Variants in FREM2 observed in about 807,000 individuals in gnomAD.
The protein encoded by FREM2 is FRAS1-related extracellular matrix protein 2.
A neutral mutation model predicts 219.9 loss-of-function variants in FREM2; 119 were observed. The observed-to-expected ratio is 0.54, with a 90% CI of 0.47 to 0.63. FREM2 has a LOEUF of 0.63. Ranked by LOEUF, FREM2 falls within the 30% of genes least tolerant of loss-of-function variation. FREM2 has a pLI of 0.00. For missense variants in FREM2, 4,030 were observed against 3,993.6 expected, an observed-to-expected ratio of 1.01 and a Z score of -0.25; for synonymous variants, 1,562 against 1,522.8, an observed-to-expected ratio of 1.03 and a Z score of -0.60.
chr13:38,693,064 T>C (rs1869962086), intron 1 of FREM2, among the ~76,000 whole-genome samples: 1 of 152,172 alleles, frequency 6.6e-6, no homozygotes, highest in African/African-American at 2.4e-5. Context: ...TTTATTTACT[T>C]TGTTGATTTT....
chr13:38,853,476 C>T (rs750007482), intron 11 of FREM2, among the ~76,000 whole-genome samples: 2 of 152,218 alleles, frequency 1.3e-5, no homozygotes, highest in African/African-American at 4.8e-5. Flanking sequence ...CTACCTCTCA[C>T]TATCAAGAGT....
At chr13:38,743,918 T>C (rs988900038) in intron 2 of FREM2, among the ~76,000 whole-genome samples, 3 of 152,188 alleles carry the variant, frequency 2.0e-5, no homozygotes, top group Non-Finnish European at 2.9e-5. Context: ...ACATTATATA[T>C]ATGTAAGTAC....
At chr13:38,784,846 A>C (rs773087232) in intron 6 of FREM2, 38 bp downstream of exon 6, 1 of 1,608,816 alleles carries the variant, frequency 6.2e-7, no homozygotes, top group South Asian at 1.1e-5. Context: ...TTTTCCCGGG[A>C]AGATCAACAT....
intron 6 of FREM2, among the ~76,000 whole-genome samples, chr13:38,787,625 G>A (rs1011508643): frequency 6.6e-6 from 1 of 151,908 alleles, no homozygotes; most frequent in East Asian, 1.9e-4. Context: ...AGTAAGTGTG[G>A]TTTAATCTCT....
chr13:38,825,038 T>C (rs567379011), intron 6 of FREM2, among the ~76,000 whole-genome samples: 2 of 152,206 alleles, frequency 1.3e-5, no homozygotes, highest in African/African-American at 4.8e-5. Flanking sequence ...CTCACTGATA[T>C]AATTTTTTCG....
At chr13:38,757,753 G>A (rs893917397) in intron 2 of FREM2, among the ~76,000 whole-genome samples, 4 of 151,986 alleles carry the variant, frequency 2.6e-5, no homozygotes, top group African/African-American at 9.7e-5. Context: ...ACCAAGCCCA[G>A]CTAACTTTTG....
chr13:38,713,329 C>T (rs988038767), intron 2 of FREM2, among the ~76,000 whole-genome samples: 3 of 152,188 alleles, frequency 2.0e-5, no homozygotes, highest in Non-Finnish European at 4.4e-5. Context: ...GTTCCCTCAT[C>T]TGTAAACCTG....
At chr13:38,867,446 A>G (rs1465724596) in intron 16 of FREM2, among the ~76,000 whole-genome samples, 1 of 152,258 alleles carries the variant, frequency 6.6e-6, no homozygotes, top group Non-Finnish European at 1.5e-5. Flanking sequence ...AAATGGTAAT[A>G]CAATTTAATA....
In FREM2 at chr13:38,687,374, C is replaced by A; in HGVS notation, c.30C>A (p.Ser10=). MHSAGTPGL[S]SRRTGNSTSF... ...ACTCAGCCGGGACTCCCGGGTTATC[C>A]TCGCGCCGGACAGGCAACTCCACCA... Residue 10 remains serine (S), a synonymous_variant, in exon 1 of 24, where the codon TCC becomes TCA. Transcript: ENST00000280481. 2 of 1,608,552 alleles carry A rather than the reference C, an allele frequency of 1.2e-6. No homozygotes were observed. Among genetic ancestry groups the A allele is most frequent in the East Asian group, 2.2e-5 (1 of 44,594 alleles).
intron 2 of FREM2, among the ~76,000 whole-genome samples, chr13:38,744,817 G>A (rs1457999407): frequency 6.6e-6 from 1 of 152,152 alleles, no homozygotes; most frequent in African/African-American, 2.4e-5. Context: ...ACAGTAAACA[G>A]CCAACACTTT....
rs558265524 is a variant in FREM2, at chr13:38,828,596, A to C, written c.6020-17977A>C. On this transcript the variant is annotated intron_variant, in intron 6 of 23. Transcript: ENST00000280481. ...TATGGTGTTGTGTACCTGTAATCCTACCTTCTTAGGAGGCTGAGGCAGGAG... is the reference window on the plus strand; with the variant it reads ...TATGGTGTTGTGTACCTGTAATCCTCCCTTCTTAGGAGGCTGAGGCAGGAG... Among the ~76,000 whole-genome samples, 9 of 152,112 alleles carry C rather than the reference A, an allele frequency of 5.9e-5. No homozygotes were observed. In the South Asian group the frequency reaches 1.9e-3, roughly 32 times the overall value.
chr13:38,870,345 T>G (rs2137931484), intron 16 of FREM2, among the ~76,000 whole-genome samples: 1 of 152,336 alleles, frequency 6.6e-6, no homozygotes, highest in African/African-American at 2.4e-5. Flanking sequence ...TACACTTTCC[T>G]TTTAAATATG....
At chr13:38,784,107 A>T (rs1874230443) in intron 5 of FREM2, among the ~76,000 whole-genome samples, 1 of 152,208 alleles carries the variant, frequency 6.6e-6, no homozygotes, top group South Asian at 2.1e-4. Context: ...TCAAAAAAAA[A>T]GCTGACTTCA....
At chr13:38,750,787 G>A (rs987010897) in intron 2 of FREM2, among the ~76,000 whole-genome samples, 7 of 152,044 alleles carry the variant, frequency 4.6e-5, no homozygotes, top group African/African-American at 1.4e-4. Context: ...TCTGCCTCTG[G>A]GGTTCAAGCG....
At chr13:38,698,878 T>C (rs767028845) in intron 2 of FREM2, among the ~76,000 whole-genome samples, 11 of 152,210 alleles carry the variant, frequency 7.2e-5, no homozygotes, top group Non-Finnish European at 1.5e-4. Context: ...ATGTGTTATG[T>C]TGGGTTCAAC....
Position 38,687,488 on chromosome 13 carries a change from C to G in FREM2, c.144C>G (p.Pro48=), listed in dbSNP as rs1173020042. ...LSLVSRVPAQ[P]AAFGRALLSP... Reference sequence around the variant, plus strand: ...TGGTAAGCCGCGTCCCGGCACAGCCCGCTGCCTTCGGCAGGGCGTTGCTGT... The same window carrying G: ...TGGTAAGCCGCGTCCCGGCACAGCCGGCTGCCTTCGGCAGGGCGTTGCTGT... The change falls in exon 1 of 24, where the codon CCC becomes CCG. Residue 48 remains proline, a synonymous_variant. Transcript: ENST00000280481. 6.3e-7 allele frequency: 1 copy of G among 1,592,920 alleles called. No individual in the cohort carries two copies.
intron 6 of FREM2, among the ~76,000 whole-genome samples, chr13:38,839,566 G>A (rs536245108): frequency 6.4e-4 from 97 of 152,252 alleles, no homozygotes; most frequent in African/African-American, 2.2e-3. Context: ...GCCCACAGTC[G>A]CCCCTTCCCC....
chr13:38,724,695 C>G (rs1871441403), intron 2 of FREM2, among the ~76,000 whole-genome samples: 1 of 152,082 alleles, frequency 6.6e-6, no homozygotes, highest in South Asian at 2.1e-4. Flanking sequence ...TTATGAGAAC[C>G]TGGGGCCTTT....
chr13:38,878,691 C>A, intron 22 of FREM2, 140 bp from the exon 23 acceptor site: 2 of 912,046 alleles, frequency 2.2e-6, no homozygotes, highest in African/African-American at 1.7e-5. Context: ...GAAAAACCAA[C>A]AAAATGATCA....
Sources: allele counts gnomAD v4.1 joint callset (sites outside exome capture counted in the v4.1 genomes callset), GRCh38; gene constraint gnomAD v4.1.1; transcripts MANE v1.5; gene names NCBI Gene and HGNC (gene_info 2026-07-23, HGNC 2026-07-21).